ZFP2: variants seen among roughly 807,000 people sequenced by gnomAD.
The protein encoded by ZFP2 is ZFP2 zinc finger protein.
In ZFP2, 33 loss-of-function variants were observed where a neutral mutation model predicts 36.1. The observed-to-expected ratio is 0.92, with a 90% CI of 0.69 to 1.22. The LOEUF (loss-of-function observed/expected upper bound fraction) is 1.22. ZFP2 is among the 50% of genes most tolerant of loss of function. ZFP2 has a pLI of 0.00. For missense variants in ZFP2, 522 were observed against 551.4 expected (o/e 0.95, Z 0.53); for synonymous variants, 170 against 178.0 (o/e 0.96, Z 0.36).
rs753112496 is a variant in ZFP2, at chr5:178,931,862, G to T, written c.549G>T (p.Glu183Asp). ...LTVHQRTHTG[E>D]KPYQCKECGK... ...TCCATCAACGAACTCACACCGGAGA[G>T]AAACCCTATCAGTGTAAAGAGTGTG... Residue 183 changes from glutamate to aspartate, a missense_variant, in exon 5 of 5, where the codon GAG (glutamate) becomes GAT (aspartate). Transcript: ENST00000361362. 30 of 1,612,574 alleles carry T rather than the reference G, an allele frequency of 1.9e-5. 1 individual carries two copies. In the South Asian group the frequency reaches 3.1e-4, roughly 17 times the overall value.
chr5:178,901,797 G>GTT (rs35616825), intron 1 of ZFP2, among the ~76,000 whole-genome samples: 29,231 of 149,004 alleles, frequency 0.2, 2,992 homozygotes, highest in Non-Finnish European at 0.24. Flanking sequence ...TTTTTGGTTT[G>GTT]TTTTTTTTTT....
rs1454926310 is a variant in ZFP2, at chr5:178,931,926, G to T, written c.613G>T (p.Glu205Ter). ...FHKNSSLIQH[E>*]RIHTGEKPYK... ...TAAGAATTCATCTCTTATTCAGCAT[G>T]AAAGGATTCATACTGGAGAGAAACC... Residue 205 changes from glutamate to a stop codon, truncating the protein, a stop_gained, in exon 5 of 5, where the codon GAA becomes TAA. Coordinates refer to ENST00000361362, the MANE Select transcript of ZFP2 (RefSeq NM_030613.4). LOFTEE classifies it high-confidence loss of function. 1 of 1,613,780 alleles carries T rather than the reference G, an allele frequency of 6.2e-7. No homozygotes were observed. The highest frequency in any genetic ancestry group is 1.7e-5 in the Admixed American group (1 of 59,990).
At chr5:178,929,284 C>T (rs1758767385) in intron 4 of ZFP2, among the ~76,000 whole-genome samples, 1 of 152,264 alleles carries the variant, frequency 6.6e-6, no homozygotes, top group Non-Finnish European at 1.5e-5. Flanking sequence ...TGAATTCCTT[C>T]CCTGAAAATG....
At chr5:178,917,152 T>G (rs928032143) in intron 4 of ZFP2, among the ~76,000 whole-genome samples, 1 of 152,240 alleles carries the variant, frequency 6.6e-6, no homozygotes, top group Non-Finnish European at 1.5e-5. Flanking sequence ...TTAAATCATT[T>G]AATCATATTC....
In ZFP2 at chr5:178,931,694, GA is replaced by G; in HGVS notation, c.384del (p.Lys128AsnfsTer44). On this transcript the variant is annotated frameshift_variant, in exon 5 of 5. Coordinates refer to ENST00000361362, the MANE Select transcript of ZFP2 (RefSeq NM_030613.4). LOFTEE classifies it high-confidence loss of function. Reference protein sequence around the residue: ...LKHQRIHTGEKPYKCNVCGKH... With the variant: ...LKHQRIHTGEXPYKCNVCGKH... ...AGCACCAGAGGATTCATACTGGGGA[GA>G]AACCCTATAAGTGTAATGTATGTGG... The G allele has an allele frequency of 6.2e-7, 1 of 1,614,152 alleles. No individual in the cohort carries two copies. Among genetic ancestry groups the G allele is most frequent in the South Asian group, 1.1e-5 (1 of 91,080 alleles).
chr5:178,901,631 A>G (rs1203060929), intron 1 of ZFP2, among the ~76,000 whole-genome samples: 1 of 152,174 alleles, frequency 6.6e-6, no homozygotes, highest in Non-Finnish European at 1.5e-5. Context: ...TACCAGTCAT[A>G]TTTGAGACAA....
In ZFP2 at chr5:178,901,605, G is replaced by A. The variant is rs77987895; in HGVS notation, c.-450+5631G>A. ...TATGTGTTCATGTCTTCAAATAGCCGTTTTTCTTATAAGGATACCAGTCAT... is the reference window on the plus strand; with the variant it reads ...TATGTGTTCATGTCTTCAAATAGCCATTTTTCTTATAAGGATACCAGTCAT... On this transcript the variant is annotated intron_variant, in intron 1 of 4. Transcript: ENST00000361362. 2.6e-3 allele frequency among the ~76,000 whole-genome samples: 395 copies of A among 152,142 alleles called. 3 individuals are homozygous for A. Among genetic ancestry groups the A allele is most frequent in the Non-Finnish European group, 4.6e-3 (313 of 68,006 alleles).
intron 1 of ZFP2, among the ~76,000 whole-genome samples, chr5:178,900,940 A>G (rs1305632339): frequency 6.6e-6 from 1 of 152,208 alleles, no homozygotes; most frequent in Admixed American, 6.5e-5. Flanking sequence ...AACAGTATAT[A>G]TTATGCCTGG....
intron 1 of ZFP2, among the ~76,000 whole-genome samples, chr5:178,911,779 T>A (rs1290228177): frequency 6.6e-6 from 1 of 152,194 alleles, no homozygotes; most frequent in Non-Finnish European, 1.5e-5. Context: ...TTCTATTGCT[T>A]TATTTCTATT....
chr5:178,896,776 CTCCA>C (rs1355598864), intron 1 of ZFP2, among the ~76,000 whole-genome samples: 1 of 152,156 alleles, frequency 6.6e-6, no homozygotes, highest in Non-Finnish European at 1.5e-5. Context: ...GCAGCTTTTT[CTCCA>C]TCTATCTTTT....
intron 1 of ZFP2, among the ~76,000 whole-genome samples, chr5:178,897,151 C>T (rs1030785400): frequency 1.3e-5 from 2 of 151,386 alleles, no homozygotes; most frequent in Admixed American, 6.6e-5. Flanking sequence ...GTCCAGGGTA[C>T]AGTAAGGATT....
chr5:178,909,264 C>T (rs1045980232), intron 1 of ZFP2, among the ~76,000 whole-genome samples: 4 of 152,140 alleles, frequency 2.6e-5, no homozygotes, highest in African/African-American at 7.2e-5. Context: ...GCTCATAGTT[C>T]GATTGTATCG....
chr5:178,897,836 C>G (rs185194420), intron 1 of ZFP2, among the ~76,000 whole-genome samples: 135 of 152,190 alleles, frequency 8.9e-4, no homozygotes, highest in African/African-American at 2.8e-3. Context: ...AGTAGGTGGT[C>G]AACAATGTAT....
intron 4 of ZFP2, among the ~76,000 whole-genome samples, chr5:178,924,384 AAAAAG>A (rs1261260026): frequency 6.8e-6 from 1 of 147,670 alleles, no homozygotes; most frequent in Non-Finnish European, 1.5e-5. Context: ...AAAAAAAAAA[AAAAAG>A]AAACCTGCCC....
chr5:178,919,621 A>G (rs147707728), intron 4 of ZFP2, among the ~76,000 whole-genome samples: 2 of 152,180 alleles, frequency 1.3e-5, no homozygotes, highest in African/African-American at 4.8e-5. Flanking sequence ...TAGTGTATCA[A>G]TTTTCCCTGG....
chr5:178,906,456 C>T (rs1758168666), intron 1 of ZFP2, among the ~76,000 whole-genome samples: 1 of 152,130 alleles, frequency 6.6e-6, no homozygotes, highest in South Asian at 2.1e-4. Context: ...TGTCTGCCCT[C>T]CTCTTTTGAA....
intron 3 of ZFP2, among the ~76,000 whole-genome samples, chr5:178,914,376 T>C (rs1445642126): frequency 6.6e-6 from 1 of 152,210 alleles, no homozygotes; most frequent in Non-Finnish European, 1.5e-5. Context: ...GATATATCCA[T>C]TTTTTATGGT....
chr5:178,912,553 T>C (rs1758320066), intron 1 of ZFP2, 31 bp from the exon 2 acceptor site: 1 of 695,880 alleles, frequency 1.4e-6, no homozygotes, highest in Non-Finnish European at 1.8e-6. Context: ...GAGGGTTTGG[T>C]TGGCATAATC....
intron 4 of ZFP2, among the ~76,000 whole-genome samples, chr5:178,921,657 T>A (rs148752869): frequency 6.7e-5 from 10 of 149,630 alleles, no homozygotes; most frequent in Non-Finnish European, 1.4e-4. Context: ...GAGCTTTTCC[T>A]GGAGAACCTC....
Sources: allele counts gnomAD v4.1 joint callset (sites outside exome capture counted in the v4.1 genomes callset), GRCh38; gene constraint gnomAD v4.1.1; transcripts MANE v1.5; gene names NCBI Gene and HGNC (gene_info 2026-07-23, HGNC 2026-07-21).